Variants in IGF2BP2 observed in about 807,000 individuals in gnomAD.
IGF2BP2 encodes insulin-like growth factor 2 mRNA-binding protein 2.
Under a neutral mutation model 75.8 loss-of-function variants are expected in IGF2BP2, and 17 were observed. That is an observed-to-expected ratio of 0.22 (90% CI 0.15 to 0.34). IGF2BP2 has a LOEUF of 0.34. IGF2BP2 is among the 10% of genes least tolerant of loss of function. The probability of loss-of-function intolerance (pLI) is 1.00; values close to 1 mark genes in which losing one functional copy is unlikely to be tolerated. For synonymous variants in IGF2BP2, 288 were observed against 295.6 expected, an observed-to-expected ratio of 0.97 and a Z score of 0.26; for missense variants, 516 against 772.4, an observed-to-expected ratio of 0.67 and a Z score of 3.93.
intron 2 of IGF2BP2, among the ~76,000 whole-genome samples, chr3:185,721,095 G>A (rs536064964): frequency 5.3e-5 from 8 of 152,270 alleles, no homozygotes; most frequent in South Asian, 4.2e-4. Flanking sequence ...AGCCCCAGGC[G>A]TCTTAATTAA....
At chr3:185,682,967 G>A (rs1035795908) in intron 7 of IGF2BP2, among the ~76,000 whole-genome samples, 7 of 152,162 alleles carry the variant, frequency 4.6e-5, no homozygotes, top group African/African-American at 1.7e-4. Flanking sequence ...ATTGAAAAGA[G>A]GGTCTTGAAG....
chr3:185,686,707 T>C (rs755252343), intron 7 of IGF2BP2, among the ~76,000 whole-genome samples: 2 of 152,162 alleles, frequency 1.3e-5, no homozygotes, highest in Non-Finnish European at 2.9e-5. Context: ...AAATACTCAA[T>C]AGCAACATGT....
At chr3:185,791,792 G>A (rs185669060) in intron 2 of IGF2BP2, among the ~76,000 whole-genome samples, 3 of 152,322 alleles carry the variant, frequency 2.0e-5, no homozygotes, top group South Asian at 4.1e-4. Context: ...TCATTTAACA[G>A]TGTTTCTACA....
chr3:185,817,791 A>G (rs1560518697), intron 2 of IGF2BP2, among the ~76,000 whole-genome samples: 1 of 152,226 alleles, frequency 6.6e-6, no homozygotes, highest in Non-Finnish European at 1.5e-5. Context: ...TACCCAAAAT[A>G]ATTTGAACAT....
intron 2 of IGF2BP2, among the ~76,000 whole-genome samples, chr3:185,769,830 C>CA (rs35418660): frequency 0.072 from 5,289 of 73,576 alleles, 80 homozygotes; most frequent in East Asian, 0.19. Flanking sequence ...ACCCTGTCTC[C>CA]AAAAAAAAAA....
intron 2 of IGF2BP2, among the ~76,000 whole-genome samples, chr3:185,733,893 AC>A (rs1413371791): frequency 1.3e-5 from 2 of 152,234 alleles, no homozygotes; most frequent in Non-Finnish European, 2.9e-5. Context: ...AACAGGAAAG[AC>A]ATGAAGAAAA....
At chr3:185,776,630 C>T (rs1734570645) in intron 2 of IGF2BP2, among the ~76,000 whole-genome samples, 1 of 151,920 alleles carries the variant, frequency 6.6e-6, no homozygotes, top group South Asian at 2.1e-4. Context: ...AGGGTGAGGG[C>T]GGAGATAGAG....
chr3:185,706,353 G>A (rs889101596), intron 2 of IGF2BP2, among the ~76,000 whole-genome samples: 7 of 152,218 alleles, frequency 4.6e-5, no homozygotes, highest in African/African-American at 1.7e-4. Flanking sequence ...TGAAAGCTGT[G>A]ACTGTGCCAC....
chr3:185,672,479 G>C, intron 10 of IGF2BP2, 62 bp downstream of exon 10: 1 of 1,532,982 alleles, frequency 6.5e-7, no homozygotes, highest in Non-Finnish European at 8.9e-7. Flanking sequence ...ACACAGCAGA[G>C]GCATGCTGCT....
chr3:185,661,802 T>C (rs1716495311), intron 10 of IGF2BP2, among the ~76,000 whole-genome samples: 1 of 151,704 alleles, frequency 6.6e-6, no homozygotes, highest in South Asian at 2.1e-4. Flanking sequence ...TCAAGTACTG[T>C]GAAAGAAATG....
intron 2 of IGF2BP2, chr3:185,821,163 C>A: frequency 1.4e-6 from 2 of 1,441,864 alleles, no homozygotes; most frequent in South Asian, 1.4e-5. Flanking sequence ...TGCATTTAAA[C>A]TAATAAAGGA....
chr3:185,760,612 C>T (rs530610305), intron 2 of IGF2BP2, among the ~76,000 whole-genome samples: 5 of 152,302 alleles, frequency 3.3e-5, no homozygotes, highest in Non-Finnish European at 5.9e-5. Flanking sequence ...GTGGATTTTG[C>T]CTTTCCGGAC....
intron 2 of IGF2BP2, among the ~76,000 whole-genome samples, chr3:185,809,110 T>C (rs1379655816): frequency 1.3e-5 from 2 of 152,056 alleles, no homozygotes; most frequent in East Asian, 1.9e-4. Flanking sequence ...TTTTTTGTTT[T>C]TCTTTTCTTT....
intron 2 of IGF2BP2, among the ~76,000 whole-genome samples, chr3:185,723,328 T>A (rs547947950): frequency 6.6e-6 from 1 of 152,226 alleles, no homozygotes; most frequent in African/African-American, 2.4e-5. Flanking sequence ...CACAGCAGCC[T>A]ACAGTCAAAA....
At chr3:185,792,428 A>G (rs1343035132) in intron 2 of IGF2BP2, among the ~76,000 whole-genome samples, 1 of 152,160 alleles carries the variant, frequency 6.6e-6, no homozygotes, top group Non-Finnish European at 1.5e-5. Flanking sequence ...AACATGGCGA[A>G]ACCCCGTCTC....
Position 185,689,487 on chromosome 3 carries a change from G to C in IGF2BP2, c.545C>G (p.Ala182Gly), listed in dbSNP as rs754085512. The change falls in exon 6 of 16, where the codon GCC becomes GGC. Residue 182 changes from alanine to glycine, a missense_variant. Transcript: ENST00000382199. ...GDHSSREQGH[A>G]PGGTSQARQI... is the part of the protein sequence containing the mutation. ...TCTGGCCTGAGAAGTGCCCCCAGGGGCGTGGCCTTGCTCCCGGGAAGAGTG... is the reference window on the plus strand; with the variant it reads ...TCTGGCCTGAGAAGTGCCCCCAGGGCCGTGGCCTTGCTCCCGGGAAGAGTG... 4.3e-6 allele frequency: 7 copies of C among 1,613,866 alleles called. No individual in the cohort carries two copies. The highest frequency in any genetic ancestry group is 5.9e-6 in the Non-Finnish European group (7 of 1,179,916).
At chr3:185,750,110 C>A (rs1460655516) in intron 2 of IGF2BP2, among the ~76,000 whole-genome samples, 1 of 152,078 alleles carries the variant, frequency 6.6e-6, no homozygotes. Context: ...TGGGGTGGGG[C>A]CTTAGAATTT....
At chr3:185,810,213 G>A (rs1578385689) in intron 2 of IGF2BP2, among the ~76,000 whole-genome samples, 1 of 152,218 alleles carries the variant, frequency 6.6e-6, no homozygotes, top group East Asian at 1.9e-4. Context: ...AGTAGTCTGA[G>A]GCTTTTTGTT....
At chr3:185,713,400 GA>G (rs1560340728) in intron 2 of IGF2BP2, 2 of 519,832 alleles carry the variant, frequency 3.8e-6, no homozygotes, top group Admixed American at 1.9e-5. Flanking sequence ...ACATTTATTG[GA>G]AAAGCAGCAG....
Sources: allele counts gnomAD v4.1 joint callset (sites outside exome capture counted in the v4.1 genomes callset), GRCh38; gene constraint gnomAD v4.1.1; transcripts MANE v1.5; gene names NCBI Gene and HGNC (gene_info 2026-07-23, HGNC 2026-07-21).